ATRNL1: variants seen among roughly 807,000 people sequenced by gnomAD.
ATRNL1 encodes attractin like 1.
ATRNL1 carries 95 observed loss-of-function variants against 182.7 expected under a neutral mutation model. The ratio of observed to expected loss-of-function variants is 0.52; its 90% confidence interval spans 0.44 to 0.62. ATRNL1 has a LOEUF of 0.62. Ranked by LOEUF, ATRNL1 falls within the 20% of genes least tolerant of loss-of-function variation. The pLI is 0.00. For synonymous variants in ATRNL1, 576 were observed against 568.3 expected (o/e 1.01, Z -0.19); for missense variants, 1,471 against 1,679.5 (o/e 0.88, Z 2.17).
chr10:115,425,055 T>C (rs977351042), intron 20 of ATRNL1, among the ~76,000 whole-genome samples: 1 of 152,126 alleles, frequency 6.6e-6, no homozygotes, highest in Non-Finnish European at 1.5e-5. Context: ...TTTAATTTTA[T>C]AATTAATATA....
At chr10:115,646,494 C>T (rs1410451271) in intron 26 of ATRNL1, among the ~76,000 whole-genome samples, 3 of 152,108 alleles carry the variant, frequency 2.0e-5, no homozygotes, top group Non-Finnish European at 4.4e-5. Context: ...GAGAAGGCAT[C>T]TGGTTCTTAA....
At chr10:115,536,411 G>A (rs906168167) in intron 25 of ATRNL1, among the ~76,000 whole-genome samples, 3 of 152,220 alleles carry the variant, frequency 2.0e-5, no homozygotes, top group East Asian at 1.9e-4. Context: ...AGGACCCTCC[G>A]AGCCAGGTGT....
At chr10:115,638,746 GA>G (rs1565237183) in intron 26 of ATRNL1, among the ~76,000 whole-genome samples, 1 of 152,170 alleles carries the variant, frequency 6.6e-6, no homozygotes, top group African/African-American at 2.4e-5. Flanking sequence ...TTATAAAACT[GA>G]AAGATTCAGT....
intron 21 of ATRNL1, among the ~76,000 whole-genome samples, chr10:115,436,553 C>T (rs1393653818): frequency 6.6e-6 from 1 of 152,018 alleles, no homozygotes; most frequent in Non-Finnish European, 1.5e-5. Flanking sequence ...CTAAATGTTC[C>T]AGATTCAGTA....
intron 27 of ATRNL1, among the ~76,000 whole-genome samples, chr10:115,818,231 T>C (rs1950213259): frequency 6.6e-6 from 1 of 151,442 alleles, no homozygotes; most frequent in African/African-American, 2.4e-5. Context: ...TACTCACTAG[T>C]TTCAGTTTCT....
intron 26 of ATRNL1, among the ~76,000 whole-genome samples, chr10:115,567,205 A>C (rs1555002151): frequency 6.6e-6 from 1 of 152,142 alleles, no homozygotes; most frequent in East Asian, 1.9e-4. Context: ...GTATGTAGCT[A>C]GGTGATTATT....
In ATRNL1 at chr10:115,797,806, G is replaced by A. The variant is rs1215664022; in HGVS notation, c.3904-50071G>A. Among the ~76,000 whole-genome samples the A allele has an allele frequency of 2.6e-5, 4 of 152,202 alleles. No homozygotes were observed. The South Asian group carries it at 8.3e-4, about 32-fold the overall frequency. On this transcript the variant is annotated intron_variant, in intron 27 of 28. Transcript: ENST00000355044. ...AGATCTGGGAGAAGTACAGGAGCCAGCCATAGGGCTATCTGGGCTGAGATG... is the reference window on the plus strand; with the variant it reads ...AGATCTGGGAGAAGTACAGGAGCCAACCATAGGGCTATCTGGGCTGAGATG...
intron 19 of ATRNL1, among the ~76,000 whole-genome samples, chr10:115,383,391 G>A (rs1485275809): frequency 6.6e-6 from 1 of 151,550 alleles, no homozygotes; most frequent in Admixed American, 6.6e-5. Flanking sequence ...ATCTTTGTGG[G>A]TCTGTATGGT....
chr10:115,255,296 C>T (rs535152866), intron 10 of ATRNL1, among the ~76,000 whole-genome samples: 3 of 152,198 alleles, frequency 2.0e-5, no homozygotes, highest in Non-Finnish European at 2.9e-5. Flanking sequence ...TTGTTTGTGT[C>T]CTCTTTTATT....
intron 9 of ATRNL1, among the ~76,000 whole-genome samples, chr10:115,227,224 C>T (rs1849737863): frequency 6.6e-6 from 1 of 151,820 alleles, no homozygotes; most frequent in Non-Finnish European, 1.5e-5. Flanking sequence ...AGTCCACAGG[C>T]AAAAGACAAA....
intron 24 of ATRNL1, among the ~76,000 whole-genome samples, chr10:115,502,475 T>A (rs1445176231): frequency 1.3e-4 from 20 of 152,174 alleles, no homozygotes; most frequent in African/African-American, 4.6e-4. Flanking sequence ...AAACCCTTAT[T>A]TTTTGAGAGA....
At chr10:115,614,722 A>G (rs544514472) in intron 26 of ATRNL1, among the ~76,000 whole-genome samples, 1 of 152,100 alleles carries the variant, frequency 6.6e-6, no homozygotes, top group South Asian at 2.1e-4. Context: ...GTGTGTGTGC[A>G]TATTTACAAT....
At chr10:115,825,444 C>T (rs1432526484) in intron 27 of ATRNL1, among the ~76,000 whole-genome samples, 2 of 152,020 alleles carry the variant, frequency 1.3e-5, no homozygotes, top group Admixed American at 1.3e-4. Flanking sequence ...TAAAAAAGGA[C>T]CTAGCGTATA....
At chr10:115,732,999 T>C (rs1555063694) in intron 27 of ATRNL1, among the ~76,000 whole-genome samples, 1 of 152,202 alleles carries the variant, frequency 6.6e-6, no homozygotes. Context: ...CAAAGTGACT[T>C]ACTAAACTGC....
At chr10:115,596,609 A>T (rs1280971999) in intron 26 of ATRNL1, among the ~76,000 whole-genome samples, 4 of 152,172 alleles carry the variant, frequency 2.6e-5, no homozygotes, top group African/African-American at 9.7e-5. Flanking sequence ...AAAATGGGCA[A>T]ATGTCAGTGA....
chr10:115,761,188 T>C (rs548411069), intron 27 of ATRNL1, among the ~76,000 whole-genome samples: 7 of 152,336 alleles, frequency 4.6e-5, no homozygotes, highest in Non-Finnish European at 8.8e-5. Flanking sequence ...AAAACTTTTG[T>C]TCTATTATAA....
At chr10:115,856,304 C>T (rs1565439649) in intron 28 of ATRNL1, among the ~76,000 whole-genome samples, 2 of 151,246 alleles carry the variant, frequency 1.3e-5, no homozygotes, top group Non-Finnish European at 3.0e-5. Flanking sequence ...GGCAGATGCC[C>T]GTAATCCCAG....
At chr10:115,288,201 T>C (rs1335503475) in intron 15 of ATRNL1, among the ~76,000 whole-genome samples, 5 of 152,192 alleles carry the variant, frequency 3.3e-5, no homozygotes, top group African/African-American at 1.2e-4. Context: ...AGAATGCAGG[T>C]ATCCCATTGA....
chr10:115,674,805 G>C (rs1470999851), intron 26 of ATRNL1, among the ~76,000 whole-genome samples: 1 of 151,960 alleles, frequency 6.6e-6, no homozygotes, highest in Non-Finnish European at 1.5e-5. Context: ...TGTATTTCTA[G>C]ACCACTGTGA....
Sources: allele counts gnomAD v4.1 joint callset (sites outside exome capture counted in the v4.1 genomes callset), GRCh38; gene constraint gnomAD v4.1.1; transcripts MANE v1.5; gene names NCBI Gene and HGNC (gene_info 2026-07-23, HGNC 2026-07-21).